FMNL2: variants seen among roughly 807,000 people sequenced by gnomAD.
FMNL2 encodes the protein formin like 2.
A neutral mutation model predicts 130.2 loss-of-function variants in FMNL2; 51 were observed. The ratio of observed to expected loss-of-function variants is 0.39; its 90% CI spans 0.31 to 0.49. The LOEUF (loss-of-function observed/expected upper bound fraction) is 0.49, where lower values mean the gene tolerates loss of function less well. FMNL2 is among the 20% of genes least tolerant of loss of function. FMNL2 has a pLI of 0.85. For synonymous variants in FMNL2, 465 were observed against 467.1 expected (o/e 1.00, Z 0.06); for missense variants, 977 against 1,316.2 (o/e 0.74, Z 3.99).
chr2:152,526,997 AC>A (rs1432038127), intron 2 of FMNL2, among the ~76,000 whole-genome samples: 2 of 152,138 alleles, frequency 1.3e-5, no homozygotes, highest in Non-Finnish European at 2.9e-5. Context: ...ATAATCTGGT[AC>A]AGGATCAGTC....
intron 1 of FMNL2, among the ~76,000 whole-genome samples, chr2:152,452,759 G>A (rs114875179): frequency 5.3e-5 from 8 of 152,208 alleles, no homozygotes; most frequent in Admixed American, 1.3e-4. Context: ...TACCTTTGTC[G>A]AGGGCCCGAT....
rs945328715 is a variant in FMNL2, at chr2:152,414,008, A to C, written c.117+78288A>C. On this transcript the variant is annotated intron_variant, in intron 1 of 25. Coordinates refer to ENST00000288670, the MANE Select transcript of FMNL2 (RefSeq NM_052905.4). ...TTTGTTTTTAGGTTATTTTATTTGG[A>C]GTAATGCATCTGTTTGCCATAAATG... is the stretch of plus-strand genomic sequence containing the variant. Among the ~76,000 whole-genome samples the C allele has an allele frequency of 2.0e-5, 3 of 152,144 alleles. No homozygotes were observed. The East Asian group carries it at 5.8e-4, about 29-fold the overall frequency.
At chr2:152,466,911 C>T (rs963861982) in intron 1 of FMNL2, among the ~76,000 whole-genome samples, 3 of 152,252 alleles carry the variant, frequency 2.0e-5, no homozygotes, top group Non-Finnish European at 4.4e-5. Flanking sequence ...TAAGGCTTGC[C>T]GCTTCTCTTC....
intron 25 of FMNL2, among the ~76,000 whole-genome samples, chr2:152,645,729 G>C (rs533779854): frequency 3.3e-5 from 5 of 152,124 alleles, no homozygotes; most frequent in African/African-American, 9.6e-5. Flanking sequence ...TTGGGCAAGG[G>C]TATTTGCTGA....
chr2:152,428,968 G>A (rs1687337914), intron 1 of FMNL2, among the ~76,000 whole-genome samples: 1 of 152,094 alleles, frequency 6.6e-6, no homozygotes, highest in Non-Finnish European at 1.5e-5. Context: ...TAAATGATGA[G>A]AACACATGGG....
In FMNL2 at chr2:152,637,627, C is replaced by T; in HGVS notation, c.2899C>T (p.Pro967Ser). The T allele has an allele frequency of 6.2e-7, 1 of 1,613,986 alleles. No homozygotes were observed. Among genetic ancestry groups the T allele is most frequent in the Non-Finnish European group, 8.5e-7 (1 of 1,179,878 alleles). Residue 967 changes from proline to serine, a missense_variant, in exon 23 of 26, where the codon CCC (proline) becomes TCC (serine). Pro to Ser is a moderately conservative substitution (Grantham distance 74, BLOSUM62 -1). Around this residue, in one of 4 missense-constraint regions of FMNL2, gnomAD observed 168 missense variants for 168.8 expected, o/e 1.00. Coordinates refer to ENST00000288670, the MANE Select transcript of FMNL2 (RefSeq NM_052905.4). ...TGGAGAAAACCCCAAGACAACACCA[C>T]CCTCTGTCTTCTTTCCTGTCTTTGT... ...YFGENPKTTP[P>S]SVFFPVFVRF...
chr2:152,548,138 A>T (rs1353884032), intron 3 of FMNL2, among the ~76,000 whole-genome samples: 1 of 152,194 alleles, frequency 6.6e-6, no homozygotes, highest in Non-Finnish European at 1.5e-5. Context: ...AGTTCATGTC[A>T]GGAGGGTGGT....
intron 6 of FMNL2, among the ~76,000 whole-genome samples, chr2:152,564,218 T>G (rs1219776114): frequency 6.6e-6 from 1 of 152,172 alleles, no homozygotes; most frequent in Non-Finnish European, 1.5e-5. Context: ...AATGATTTAT[T>G]CTGGTAGCTT....
At chr2:152,440,654 C>T (rs1403357143) in intron 1 of FMNL2, among the ~76,000 whole-genome samples, 1 of 152,164 alleles carries the variant, frequency 6.6e-6, no homozygotes, top group African/African-American at 2.4e-5. Flanking sequence ...GGTTAAAAAA[C>T]AAAGAAGAGT....
At position 152,560,914 on chromosome 2, in the gene FMNL2, G is replaced by A. The variant is rs750755379; in HGVS notation, c.475G>A (p.Glu159Lys). The A allele has an allele frequency of 8.0e-5, 112 of 1,392,114 alleles. No homozygotes were observed. The highest frequency in any genetic ancestry group is 1.2e-4 in the African/African-American group (6 of 49,398). The allele number at this position is 1,392,114 out of a possible 1,614,324, so 86.2% of individuals were successfully genotyped here. Residue 159 changes from glutamate (E) to lysine (K), a missense_variant, in exon 6 of 26, where the codon GAG becomes AAG. Glu to Lys is a moderately conservative substitution (Grantham distance 56, BLOSUM62 1). This residue lies in a region of FMNL2 where 689 missense variants were observed against 995.9 expected (regional missense o/e 0.69). Coordinates refer to ENST00000288670, the MANE Select transcript of FMNL2 (RefSeq NM_052905.4). ...CTTTGAAAGTGTGGAGAGTACTGTG[G>A]AGAGCTCGGTGGACAAATCAAAGCC... Reference protein sequence around the residue: ...FDFESVESTVESSVDKSKPWS... With the variant: ...FDFESVESTVKSSVDKSKPWS...
chr2:152,351,651 G>A (rs1251425288), intron 1 of FMNL2, among the ~76,000 whole-genome samples: 2 of 152,140 alleles, frequency 1.3e-5, no homozygotes, highest in Admixed American at 6.6e-5. Flanking sequence ...AAATAGTGTT[G>A]CAGTAGACAT....
At chr2:152,534,564 C>CTTTTTTTTTTTTTTTTTTTTTTTTTTTTT (rs10719527) in intron 2 of FMNL2, among the ~76,000 whole-genome samples, 2 of 131,572 alleles carry the variant, frequency 1.5e-5, no homozygotes, top group Non-Finnish European at 1.6e-5. Context: ...CTTATTTTGT[C>CTTTTTTTTTTTTTTTTTTTTTTTTTTTTT]TTTTTTTTTT....
chr2:152,555,738 G>A (rs1224910888), intron 4 of FMNL2, among the ~76,000 whole-genome samples: 3 of 152,160 alleles, frequency 2.0e-5, no homozygotes, highest in South Asian at 2.1e-4. Flanking sequence ...CATTGAATCC[G>A]TGAGGCACTC....
intron 1 of FMNL2, among the ~76,000 whole-genome samples, chr2:152,431,965 TAA>T (rs60639670): frequency 4.4e-4 from 36 of 82,102 alleles, no homozygotes; most frequent in African/African-American, 5.1e-4. Flanking sequence ...ACCCTATCTT[TAA>T]AAAAAAAAAA....
At chr2:152,538,850 A>G (rs1694149661) in intron 2 of FMNL2, among the ~76,000 whole-genome samples, 1 of 152,202 alleles carries the variant, frequency 6.6e-6, no homozygotes, top group Non-Finnish European at 1.5e-5. Context: ...GCCAATTTGA[A>G]CAACAGAAAC....
At chr2:152,461,411 G>A (rs1689242245) in intron 1 of FMNL2, among the ~76,000 whole-genome samples, 1 of 151,778 alleles carries the variant, frequency 6.6e-6, no homozygotes, top group African/African-American at 2.4e-5. Context: ...TACTCCTAAT[G>A]CACATCTCAA....
chr2:152,597,730 C>G (rs1401611300), intron 9 of FMNL2, among the ~76,000 whole-genome samples: 1 of 152,158 alleles, frequency 6.6e-6, no homozygotes, highest in Admixed American at 6.5e-5. Context: ...CCTCACAAAC[C>G]TCATAAAAGG....
chr2:152,511,053 C>T (rs1692474171), intron 1 of FMNL2, among the ~76,000 whole-genome samples: 1 of 152,012 alleles, frequency 6.6e-6, no homozygotes, highest in Non-Finnish European at 1.5e-5. Context: ...TTTTTAATTC[C>T]TTTGTATATA....
At chr2:152,626,285 C>T (rs541096634) in intron 16 of FMNL2, among the ~76,000 whole-genome samples, 11 of 152,168 alleles carry the variant, frequency 7.2e-5, no homozygotes, top group Non-Finnish European at 1.3e-4. Context: ...GATCCACCCG[C>T]CTTGGCCTCC....
Sources: gnomAD v4.1 joint callset for allele counts (sites outside exome capture counted in the v4.1 genomes callset) on GRCh38, gnomAD v4.1.1 for gene constraint, gnomAD v4.1.1 regional missense constraint, MANE v1.5 for transcripts, NCBI Gene and HGNC (gene_info 2026-07-23, HGNC 2026-07-21) for gene names.